The following LIPI variants were observed in gnomAD, a reference collection of about 807,000 sequenced individuals.
LIPI encodes the protein lipase I, also known as lipase member I.
LIPI carries 59 observed loss-of-function variants against 50.6 expected under a neutral mutation model. That is an observed-to-expected ratio of 1.16 (90% CI 0.94 to 1.45). The LOEUF is 1.45. Among genes scored for constraint, LIPI ranks in the 40% most tolerant of loss-of-function variants. The probability of loss-of-function intolerance (pLI) is 0.00; values close to 1 mark genes in which losing one functional copy is unlikely to be tolerated. For synonymous variants in LIPI, 203 were observed against 178.2 expected, an observed-to-expected ratio of 1.14 and a Z score of -1.11; for missense variants, 586 against 536.3, an observed-to-expected ratio of 1.09 and a Z score of -0.92.
At chr21:14,179,172 A>G (rs1436429901) in intron 4 of LIPI, among the ~76,000 whole-genome samples, 1 of 152,078 alleles carries the variant, frequency 6.6e-6, no homozygotes, top group African/African-American at 2.4e-5. Context: ...TAATTATCTA[A>G]TCCACAAATT....
At chr21:14,166,506 T>A in intron 4 of LIPI, 55 bp from the exon 5 acceptor site, 1 of 911,002 alleles carries the variant, frequency 1.1e-6, no homozygotes, top group Non-Finnish European at 1.8e-6. Flanking sequence ...GTGAGTATCT[T>A]GCATAAAACA....
intron 4 of LIPI, 76 bp from the exon 5 acceptor site, chr21:14,166,527 T>TA: frequency 1.3e-6 from 1 of 792,560 alleles, no homozygotes; most frequent in Non-Finnish European, 2.3e-6. Context: ...AAATAGCCTA[T>TA]AAAATCCATT....
At chr21:14,115,184 C>T (rs554161557) in intron 9 of LIPI, among the ~76,000 whole-genome samples, 6 of 152,282 alleles carry the variant, frequency 3.9e-5, no homozygotes, top group Non-Finnish European at 8.8e-5. Flanking sequence ...GCAAGCCTTA[C>T]CTACTTGCTA....
At chr21:14,159,363 T>C (rs1442042058) in intron 7 of LIPI, among the ~76,000 whole-genome samples, 4 of 151,522 alleles carry the variant, frequency 2.6e-5, no homozygotes, top group Non-Finnish European at 5.9e-5. Context: ...AATCAATTAA[T>C]ATAGTTCAAC....
At chr21:14,186,526 C>T (rs1178211227) in intron 2 of LIPI, among the ~76,000 whole-genome samples, 1 of 152,062 alleles carries the variant, frequency 6.6e-6, no homozygotes, top group Non-Finnish European at 1.5e-5. Context: ...GGATCAATTC[C>T]AATTTTATTA....
intron 5 of LIPI, among the ~76,000 whole-genome samples, chr21:14,165,679 A>T (rs1041331700): frequency 2.0e-5 from 3 of 152,228 alleles, no homozygotes; most frequent in Non-Finnish European, 2.9e-5. Flanking sequence ...TACTATACTT[A>T]ATAACTAGTG....
chr21:14,129,945 T>C (rs1171815134), intron 9 of LIPI, among the ~76,000 whole-genome samples: 2 of 152,144 alleles, frequency 1.3e-5, no homozygotes, highest in African/African-American at 4.8e-5. Flanking sequence ...CTGTTCCTTA[T>C]TTGTATCACT....
At chr21:14,191,697 A>C (rs769162754) in intron 1 of LIPI, among the ~76,000 whole-genome samples, 3 of 152,186 alleles carry the variant, frequency 2.0e-5, no homozygotes, top group Admixed American at 1.3e-4. Context: ...AATTTTAGTT[A>C]CATCATAAGT....
chr21:14,180,800 A>T (rs111801322), intron 4 of LIPI, among the ~76,000 whole-genome samples: 1 of 152,260 alleles, frequency 6.6e-6, no homozygotes, highest in Non-Finnish European at 1.5e-5. Context: ...GTGGTTGAAA[A>T]ATTGCATCTA....
chr21:14,163,454 A>G lies in LIPI; in HGVS notation c.971T>C (p.Val324Ala), dbSNP rs1382359963. 5 of 1,570,166 alleles carry G rather than the reference A, an allele frequency of 3.2e-6. No individual in the cohort carries two copies. The African/African-American group carries it at 5.4e-5, about 17-fold the overall frequency. Residue 324 changes from valine (V) to alanine (A), a missense_variant, in exon 7 of 10, where the codon GTG (valine) becomes GCG (alanine). Physicochemically the swap from Val to Ala is moderately conservative, Grantham distance 64. Transcript: ENST00000681601. ...RMEGRPLRTT[V>A]FLDTSGTYPF... is the part of the protein sequence containing the mutation. ...ATATGTACCACTTGTATCCAAAAAC[A>G]CAGTGGTCCTAAGAGGTCTTCCTTC...
intron 7 of LIPI, among the ~76,000 whole-genome samples, chr21:14,159,551 T>C (rs987055195): frequency 2.6e-5 from 4 of 151,324 alleles, no homozygotes; most frequent in African/African-American, 9.7e-5. Flanking sequence ...CACACTTTAA[T>C]GGCAAAAGAT....
intron 9 of LIPI, among the ~76,000 whole-genome samples, chr21:14,121,177 C>T (rs764908808): frequency 2.6e-5 from 4 of 152,134 alleles, no homozygotes; most frequent in African/African-American, 7.2e-5. Flanking sequence ...CCTTTAGGCT[C>T]GGACAACAGA....
chr21:14,205,143 T>C (rs1412145350), intron 1 of LIPI, among the ~76,000 whole-genome samples: 2 of 151,758 alleles, frequency 1.3e-5, no homozygotes, highest in Non-Finnish European at 2.9e-5. Flanking sequence ...ATGCTTAGTC[T>C]CCTTAAAAAA....
chr21:14,111,307 T>C (rs2016403620), intron 9 of LIPI, among the ~76,000 whole-genome samples: 1 of 152,108 alleles, frequency 6.6e-6, no homozygotes, highest in Non-Finnish European at 1.5e-5. Context: ...TGATAGCTCA[T>C]TGTGGTTTTA....
intron 8 of LIPI, among the ~76,000 whole-genome samples, chr21:14,148,349 G>A (rs2017976795): frequency 1.3e-5 from 2 of 152,010 alleles, no homozygotes; most frequent in South Asian, 2.1e-4. Flanking sequence ...GAAAATAAAA[G>A]ATCATTTAAA....
chr21:14,167,961 CTT>C (rs2018752552), intron 4 of LIPI, among the ~76,000 whole-genome samples: 1 of 152,028 alleles, frequency 6.6e-6, no homozygotes, highest in South Asian at 2.1e-4. Context: ...AAGTTGAAAA[CTT>C]TGAAAAAAAT....
At chr21:14,161,039 T>C (rs958841211) in intron 7 of LIPI, among the ~76,000 whole-genome samples, 7 of 151,292 alleles carry the variant, frequency 4.6e-5, no homozygotes, top group African/African-American at 9.7e-5. Context: ...TGTAAAGTGG[T>C]ACAGTCACTC....
intron 1 of LIPI, among the ~76,000 whole-genome samples, chr21:14,210,419 CTAGT>C (rs1039173004): frequency 1.9e-4 from 29 of 152,040 alleles, no homozygotes; most frequent in African/African-American, 5.8e-4. Context: ...AAAAGTAGAG[CTAGT>C]TAAACAAATA....
At chr21:14,147,933 C>T (rs1471148599) in intron 8 of LIPI, among the ~76,000 whole-genome samples, 1 of 152,098 alleles carries the variant, frequency 6.6e-6, no homozygotes, top group Non-Finnish European at 1.5e-5. Context: ...CTTCTGTAGC[C>T]TCCTATCTCA....
Sources: allele counts gnomAD v4.1 joint callset (sites outside exome capture counted in the v4.1 genomes callset), GRCh38; gene constraint gnomAD v4.1.1; transcripts MANE v1.5; gene names NCBI Gene and HGNC (gene_info 2026-07-23, HGNC 2026-07-21).